Variants in CACNA2D3 observed in about 807,000 individuals in gnomAD.
The protein encoded by CACNA2D3 is voltage-dependent calcium channel subunit alpha-2/delta-3.
In CACNA2D3, 60 loss-of-function variants were observed where a neutral mutation model predicts 160.6. The observed-to-expected ratio is 0.37, with a 90% CI of 0.30 to 0.46. The LOEUF (loss-of-function observed/expected upper bound fraction) is 0.46, where lower values mean the gene tolerates loss of function less well. CACNA2D3 is among the 20% of genes least tolerant of loss of function. The pLI, the probability that CACNA2D3 is intolerant of heterozygous loss-of-function variation, is 1.00. For synonymous variants in CACNA2D3, 558 were observed against 492.9 expected, an observed-to-expected ratio of 1.13 and a Z score of -1.75; for missense variants, 1,205 against 1,365.0, an observed-to-expected ratio of 0.88 and a Z score of 1.85.
intron 2 of CACNA2D3, among the ~76,000 whole-genome samples, chr3:54,286,913 A>G (rs1703043879): frequency 2.0e-5 from 3 of 152,210 alleles, no homozygotes; most frequent in Admixed American, 2.0e-4. Flanking sequence ...GCCCTAAAAG[A>G]GCTCCTGAAA....
intron 11 of CACNA2D3, among the ~76,000 whole-genome samples, chr3:54,750,167 C>G (rs1173190163): frequency 6.6e-6 from 1 of 152,162 alleles, no homozygotes; most frequent in Non-Finnish European, 1.5e-5. Flanking sequence ...AACTATGTCT[C>G]CAAGAGAACT....
intron 30 of CACNA2D3, among the ~76,000 whole-genome samples, chr3:54,986,051 T>C (rs1702605721): frequency 6.6e-6 from 1 of 152,140 alleles, no homozygotes; most frequent in African/African-American, 2.4e-5. Context: ...AGGAGGAACA[T>C]AGGCATTCAA....
rs796844575 is a variant in CACNA2D3, at chr3:54,422,522, T to G, written c.381+35748T>G. Among the ~76,000 whole-genome samples the G allele has an allele frequency of 2.6e-5, 4 of 152,094 alleles. No homozygotes were observed. The South Asian group carries it at 8.3e-4, about 32-fold the overall frequency. The stretch of plus-strand genomic sequence containing the variant: ...GTATCAATCTGCTGCAAAGAAACAG[T>G]AGATATATAGGCAACAGATACGAAG... On this transcript the variant is annotated intron_variant, in intron 4 of 37. Coordinates refer to ENST00000474759, the MANE Select transcript of CACNA2D3 (RefSeq NM_018398.3).
chr3:54,898,215 C>T (rs1327944276), intron 26 of CACNA2D3, among the ~76,000 whole-genome samples: 3 of 143,668 alleles, frequency 2.1e-5, no homozygotes, highest in Non-Finnish European at 3.0e-5. Flanking sequence ...CTCTCTTCTC[C>T]GCCCCACCCC....
At chr3:54,256,433 G>A (rs1702294675) in intron 2 of CACNA2D3, among the ~76,000 whole-genome samples, 1 of 152,174 alleles carries the variant, frequency 6.6e-6, no homozygotes. Flanking sequence ...ATGTGATGAG[G>A]AATATGGGCA....
intron 3 of CACNA2D3, among the ~76,000 whole-genome samples, chr3:54,344,087 A>T (rs1227522864): frequency 6.6e-6 from 1 of 152,190 alleles, no homozygotes. Flanking sequence ...TCACCATGTC[A>T]CAGATAATTG....
chr3:54,992,379 G>A (rs1396810777), intron 31 of CACNA2D3, among the ~76,000 whole-genome samples: 6 of 152,094 alleles, frequency 3.9e-5, no homozygotes, highest in Admixed American at 3.9e-4. Flanking sequence ...GTACATACAT[G>A]CCTACAGCCC....
intron 18 of CACNA2D3, among the ~76,000 whole-genome samples, chr3:54,872,118 C>T (rs1017105751): frequency 5.9e-5 from 9 of 152,188 alleles, no homozygotes; most frequent in Non-Finnish European, 1.2e-4. Context: ...CCTGCTTGGT[C>T]GGCTGCCCAT....
intron 27 of CACNA2D3, among the ~76,000 whole-genome samples, chr3:54,950,008 G>A (rs1701716995): frequency 6.6e-6 from 1 of 152,198 alleles, no homozygotes; most frequent in Non-Finnish European, 1.5e-5. Flanking sequence ...AAAAGAAAAA[G>A]ATTCGTCTTG....
chr3:54,559,989 T>G (rs1559512746), intron 5 of CACNA2D3, among the ~76,000 whole-genome samples: 1 of 152,222 alleles, frequency 6.6e-6, no homozygotes, highest in Admixed American at 6.5e-5. Context: ...TTATCATTGA[T>G]GGACATTTAA....
chr3:54,240,294 G>A, intron 2 of CACNA2D3, among the ~76,000 whole-genome samples: 1 of 152,084 alleles, frequency 6.6e-6, no homozygotes, highest in East Asian at 1.9e-4. Flanking sequence ...CCATTCGTTG[G>A]TTTTTGGAGG....
intron 10 of CACNA2D3, among the ~76,000 whole-genome samples, chr3:54,630,703 C>T (rs1168795188): frequency 5.9e-5 from 9 of 152,222 alleles, no homozygotes; most frequent in African/African-American, 2.2e-4. Flanking sequence ...TGTATTCACA[C>T]TTTCACAGGG....
At chr3:54,381,646 A>G (rs55967821) in intron 3 of CACNA2D3, among the ~76,000 whole-genome samples, 4,817 of 152,300 alleles carry the variant, frequency 0.032, 264 homozygotes, top group African/African-American at 0.11. Flanking sequence ...GAAACGGGAC[A>G]CTGTGCATTC....
At chr3:54,388,681 G>A (rs1031105753) in intron 4 of CACNA2D3, among the ~76,000 whole-genome samples, 23 of 121,334 alleles carry the variant, frequency 1.9e-4, no homozygotes, top group African/African-American at 6.8e-4. Context: ...GCCATACTCA[G>A]TTCTCACAAA....
chr3:54,803,080 C>G (rs188114403), intron 13 of CACNA2D3, among the ~76,000 whole-genome samples: 22 of 152,118 alleles, frequency 1.4e-4, no homozygotes, highest in Admixed American at 3.3e-4. Flanking sequence ...CATCAAAGAC[C>G]AAAAGTAGAT....
At chr3:54,290,370 C>T (rs976262391) in intron 2 of CACNA2D3, among the ~76,000 whole-genome samples, 6 of 152,220 alleles carry the variant, frequency 3.9e-5, no homozygotes, top group African/African-American at 1.4e-4. Context: ...TACCATCTCA[C>T]ACCGGTTAGA....
chr3:54,192,105 CTTTTT>C (rs1168605044), intron 2 of CACNA2D3, among the ~76,000 whole-genome samples: 1 of 138,994 alleles, frequency 7.2e-6, no homozygotes, highest in Non-Finnish European at 1.6e-5. Flanking sequence ...GGATGCAGTG[CTTTTT>C]TTTTTTTTTT....
At chr3:54,810,873 C>T (rs1244926736) in intron 13 of CACNA2D3, among the ~76,000 whole-genome samples, 1 of 152,124 alleles carries the variant, frequency 6.6e-6, no homozygotes, top group Non-Finnish European at 1.5e-5. Flanking sequence ...AAAACATGTC[C>T]CTCTGCTCGG....
intron 5 of CACNA2D3, among the ~76,000 whole-genome samples, chr3:54,554,544 T>C (rs1444641431): frequency 2.0e-5 from 3 of 152,144 alleles, no homozygotes; most frequent in Admixed American, 2.0e-4. Flanking sequence ...CTGGGACTAG[T>C]GAATGGGCCC....
Sources: gnomAD v4.1 joint callset for allele counts (sites outside exome capture counted in the v4.1 genomes callset) on GRCh38, gnomAD v4.1.1 for gene constraint, MANE v1.5 for transcripts, NCBI Gene and HGNC (gene_info 2026-07-23, HGNC 2026-07-21) for gene names.